TRIM37: variants seen among roughly 807,000 people sequenced by gnomAD.
TRIM37 encodes the protein tripartite motif containing 37, also known as E3 ubiquitin-protein ligase TRIM37.
TRIM37 carries 80 observed loss-of-function variants against 129.8 expected under a neutral mutation model. The observed-to-expected ratio is 0.62, with a 90% CI of 0.51 to 0.74. TRIM37 has a LOEUF of 0.74. TRIM37 is among the 30% of genes least tolerant of loss of function. TRIM37 has a pLI of 0.00. For synonymous variants in TRIM37, 389 were observed against 387.1 expected (o/e 1.00, Z -0.06); for missense variants, 1,054 against 1,176.5 (o/e 0.90, Z 1.52).
At position 59,032,040 on chromosome 17, in the gene TRIM37, G is replaced by A. The variant is rs752520578; in HGVS notation, c.1804C>T (p.His602Tyr). ...CTACTGGTAGCAGCGGAGCATAAAT[G>A]TGTTCTTCTTGATATTCTACTACTG... is the stretch of plus-strand genomic sequence containing the variant. ...GSSSRISRRT[H>Y]LCSAATSSLL... Residue 602 changes from histidine (H) to tyrosine (Y), a missense_variant, in exon 18 of 24, where the codon CAT (histidine) becomes TAT (tyrosine). Coordinates refer to ENST00000262294, the MANE Select transcript of TRIM37 (RefSeq NM_015294.6). 1 of 1,613,998 alleles carries A rather than the reference G, an allele frequency of 6.2e-7. No individual in the cohort carries two copies. Among genetic ancestry groups the A allele is most frequent in the Non-Finnish European group, 8.5e-7 (1 of 1,180,046 alleles).
rs1189709732 is a variant in TRIM37, at chr17:59,041,959, C to T, written c.1668-61G>A. ...GATACAATAAACGTTGTTTTTCACA[C>T]CTCAATAAATTTTATGATATGCAGA... On this transcript the variant is annotated intron_variant, in intron 16 of 23. Transcript: ENST00000262294. The T allele has an allele frequency of 9.2e-6, 11 of 1,194,098 alleles. 1 individual carries two copies. The highest frequency in any genetic ancestry group is 5.0e-6 in the Non-Finnish European group (4 of 804,670). 74.0% of individuals were successfully genotyped at this position (1,194,098 alleles called of 1,614,324 possible). A position where few individuals can be genotyped will look rare whatever the true frequency, so the allele number is the denominator to read the frequency against.
chr17:58,972,940 T>A, the TRIM37 span: 2 of 1,596,942 alleles, frequency 1.3e-6, no homozygotes, highest in Admixed American at 1.7e-5. Flanking sequence ...GAAAAACAAA[T>A]TTTTGTTTCT....
intron 6 of TRIM37, 40 bp from the exon 7 acceptor site, chr17:59,079,917 A>G (rs2043124808): frequency 6.2e-7 from 1 of 1,603,996 alleles, no homozygotes; most frequent in African/African-American, 1.3e-5. Context: ...AATTGGGTAA[A>G]TTTTAAAAAC....
chr17:58,994,487 T>G (rs1224506026), downstream of TRIM37, among the ~76,000 whole-genome samples: 1 of 152,136 alleles, frequency 6.6e-6, no homozygotes. Context: ...CCTGAGAGGC[T>G]GAGGTGGGAG....
In TRIM37 at chr17:59,099,163, C is replaced by T. The variant is rs150965908; in HGVS notation, c.123+5130G>A. On this transcript the variant is annotated intron_variant, in intron 2 of 23. Coordinates refer to ENST00000262294, the MANE Select transcript of TRIM37 (RefSeq NM_015294.6). ...GCACGATTGCACTCCAGCCTGGCGA[C>T]AGAGCGAGGCTCTGTCTCAAAAAAC... 2.4e-3 allele frequency among the ~76,000 whole-genome samples: 360 copies of T among 152,082 alleles called. 4 individuals carry two copies. The highest frequency in any genetic ancestry group is 8.3e-3 in the African/African-American group (344 of 41,502).
intron 15 of TRIM37, 129 bp from the exon 16 acceptor site, chr17:59,047,948 C>T (rs2039982146): frequency 9.3e-7 from 1 of 1,070,520 alleles, no homozygotes; most frequent in African/African-American, 1.6e-5. Flanking sequence ...TGCTCCTGTG[C>T]CTCAGCTGCT....
In TRIM37 at chr17:59,023,966, C is replaced by T. The variant is rs180768337; in HGVS notation, c.2257+4449G>A. On this transcript the variant is annotated intron_variant, in intron 19 of 23. Transcript: ENST00000262294. ...TGGTGGCTCACGCTTGTAATCCCAG[C>T]ACTTTGGGAGGCCGAGGTGGGTGGA... is the stretch of plus-strand genomic sequence containing the variant. Among the ~76,000 whole-genome samples the T allele has an allele frequency of 6.4e-4, 98 of 152,086 alleles. 1 individual carries two copies. The highest frequency in any genetic ancestry group is 2.3e-3 in the African/African-American group (96 of 41,506).
At chr17:58,982,043 T>C (rs556638867), downstream of TRIM37, 1 of 152,774 alleles carries the variant, frequency 6.5e-6, no homozygotes, top group South Asian at 2.1e-4. Context: ...CTAAAATTAT[T>C]TCCCCCAAGG....
At chr17:59,054,253 A>G (rs2040617955) in intron 13 of TRIM37, among the ~76,000 whole-genome samples, 1 of 152,140 alleles carries the variant, frequency 6.6e-6, no homozygotes, top group Non-Finnish European at 1.5e-5. Flanking sequence ...TCTTATTTTG[A>G]TCATCAAATT....
At chr17:58,969,296 T>TA in the TRIM37 span, among the ~76,000 whole-genome samples, 1 of 152,192 alleles carries the variant, frequency 6.6e-6, no homozygotes, top group Admixed American at 6.5e-5. Context: ...AGAGGGCACT[T>TA]CAGCTTGAGC....
At chr17:58,996,009 AAAT>A (rs146538227), downstream of TRIM37, among the ~76,000 whole-genome samples, 7 of 152,212 alleles carry the variant, frequency 4.6e-5, no homozygotes, top group South Asian at 2.1e-4. Context: ...TTCCAAAAAA[AAAT>A]AATAATAATA....
chr17:59,039,163 C>T (rs2038874097), intron 17 of TRIM37, among the ~76,000 whole-genome samples: 1 of 152,174 alleles, frequency 6.6e-6, no homozygotes, highest in Non-Finnish European at 1.5e-5. Flanking sequence ...GCATGTTTGT[C>T]TACTATGCAT....
chr17:58,979,585 C>CCGTT (rs1458560172), downstream of TRIM37, among the ~76,000 whole-genome samples: 22 of 152,268 alleles, frequency 1.4e-4, no homozygotes, highest in African/African-American at 4.8e-4. Flanking sequence ...AAATCAAAAC[C>CCGTT]ACCTGCAAAA....
intron 18 of TRIM37, 66 bp downstream of exon 18, chr17:59,031,830 T>A: frequency 6.6e-7 from 1 of 1,526,222 alleles, no homozygotes; most frequent in South Asian, 1.1e-5. Flanking sequence ...AATACTTAAA[T>A]GAAAATCCAA....
chr17:59,053,823 G>A (rs938906292), intron 13 of TRIM37, among the ~76,000 whole-genome samples: 1 of 152,002 alleles, frequency 6.6e-6, no homozygotes, highest in Non-Finnish European at 1.5e-5. Context: ...ATGATTCCAG[G>A]CACCGTGGCA....
chr17:59,037,848 G>T (rs141169251), intron 17 of TRIM37, among the ~76,000 whole-genome samples: 8 of 152,032 alleles, frequency 5.3e-5, no homozygotes, highest in Admixed American at 5.2e-4. Flanking sequence ...ACATTTAGTT[G>T]CTCCTGTCTT....
At position 59,093,778 on chromosome 17, in the gene TRIM37, G is replaced by A. The variant is rs115595586; in HGVS notation, c.124-2438C>T. Among the ~76,000 whole-genome samples, 114 of 152,230 alleles carry A rather than the reference G, an allele frequency of 7.5e-4. 5 individuals carry two copies. In the South Asian group the frequency reaches 0.02, roughly 26 times the overall value. ...TATATGGTCCCTCCCTCCATATCCCGTCTCATAGAAATGTCACTGGATCAT... is the reference window on the plus strand; with the variant it reads ...TATATGGTCCCTCCCTCCATATCCCATCTCATAGAAATGTCACTGGATCAT... On this transcript the variant is annotated intron_variant, in intron 2 of 23. Coordinates refer to ENST00000262294, the MANE Select transcript of TRIM37 (RefSeq NM_015294.6).
rs138312182 is a variant in TRIM37 at position 59,106,152 on chromosome 17, G to C, written c.21+289C>G. 7.9e-4 allele frequency among the ~76,000 whole-genome samples: 120 copies of C among 152,294 alleles called. 1 individual carries two copies. The East Asian group carries it at 0.021, about 27-fold the overall frequency. ...TCCATCTGATGAATCTGCAGTTTTG[G>C]TCGGAAAAGGATGCTGTTTGCAAAC... On this transcript the variant is annotated intron_variant, in intron 1 of 23. Coordinates refer to ENST00000262294, the MANE Select transcript of TRIM37 (RefSeq NM_015294.6).
intron 20 of TRIM37, 74 bp from the exon 21 acceptor site, chr17:59,015,873 G>C: frequency 6.8e-7 from 1 of 1,473,748 alleles, no homozygotes; most frequent in Non-Finnish European, 9.3e-7. Context: ...CAGCTACTTG[G>C]GAGGTTGAAA....
Sources: allele counts gnomAD v4.1 joint callset (sites outside exome capture counted in the v4.1 genomes callset), GRCh38; gene constraint gnomAD v4.1.1; transcripts MANE v1.5; gene names NCBI Gene and HGNC (gene_info 2026-07-23, HGNC 2026-07-21).